SORCS1: variants seen among roughly 807,000 people sequenced by gnomAD.
SORCS1 encodes the protein VPS10 domain-containing receptor SorCS1.
In SORCS1, 60 loss-of-function variants were observed where a neutral mutation model predicts 146.1. That is an observed-to-expected ratio of 0.41 (90% CI 0.33 to 0.51). SORCS1 has a LOEUF of 0.51. Among genes scored for constraint, SORCS1 ranks in the 20% least tolerant of loss-of-function variants. The pLI, the probability that SORCS1 is intolerant of heterozygous loss-of-function variation, is 0.21. For synonymous variants in SORCS1, 637 were observed against 584.0 expected, an observed-to-expected ratio of 1.09 and a Z score of -1.31; for missense variants, 1,352 against 1,487.6, an observed-to-expected ratio of 0.91 and a Z score of 1.50.
chr10:106,967,415 A>C (rs907302273), intron 1 of SORCS1, among the ~76,000 whole-genome samples: 1 of 152,192 alleles, frequency 6.6e-6, no homozygotes, highest in African/African-American at 2.4e-5. Context: ...AAAAAACCAA[A>C]TAGCTGCACC....
chr10:107,141,364 C>A (rs531371012), intron 1 of SORCS1, among the ~76,000 whole-genome samples: 1 of 152,152 alleles, frequency 6.6e-6, no homozygotes, highest in African/African-American at 2.4e-5. Flanking sequence ...CATCTAATAA[C>A]ATAAACTTCA....
intron 3 of SORCS1, among the ~76,000 whole-genome samples, chr10:106,797,363 T>A (rs1222727061): frequency 6.6e-6 from 1 of 151,986 alleles, no homozygotes; most frequent in Non-Finnish European, 1.5e-5. Context: ...TTGCCTAAAT[T>A]TCTCTAAGAC....
chr10:107,059,022 A>G (rs1416681861), intron 1 of SORCS1, among the ~76,000 whole-genome samples: 1 of 152,240 alleles, frequency 6.6e-6, no homozygotes, highest in Non-Finnish European at 1.5e-5. Context: ...ACTCTTCCCT[A>G]TAATGCATCT....
chr10:106,701,796 A>G (rs1319890192), intron 8 of SORCS1, among the ~76,000 whole-genome samples: 1 of 152,246 alleles, frequency 6.6e-6, no homozygotes, highest in Non-Finnish European at 1.5e-5. Flanking sequence ...TGTGTCTCAT[A>G]ATTTCAATCT....
At chr10:106,874,433 G>T (rs953898474) in intron 2 of SORCS1, among the ~76,000 whole-genome samples, 11 of 152,278 alleles carry the variant, frequency 7.2e-5, no homozygotes, top group African/African-American at 2.6e-4. Context: ...GACAATATAT[G>T]ACAGACACTG....
At chr10:106,667,901 G>T in intron 16 of SORCS1, 99 bp from the exon 17 acceptor site, 7 of 626,314 alleles carry the variant, frequency 1.1e-5, no homozygotes, top group Admixed American at 3.2e-5. Context: ...TAATCAATTA[G>T]TCATAACAAA....
At chr10:106,805,894 T>TA (rs1222374515) in intron 3 of SORCS1, among the ~76,000 whole-genome samples, 2 of 146,970 alleles carry the variant, frequency 1.4e-5, no homozygotes, top group Non-Finnish European at 3.0e-5. Context: ...CCGTCTCTAC[T>TA]AAAAAAATAC....
At chr10:106,921,003 T>G (rs1952684664) in intron 2 of SORCS1, among the ~76,000 whole-genome samples, 1 of 152,146 alleles carries the variant, frequency 6.6e-6, no homozygotes, top group Non-Finnish European at 1.5e-5. Flanking sequence ...CTCCCATTTT[T>G]CCAGCTCCAA....
intron 7 of SORCS1, among the ~76,000 whole-genome samples, chr10:106,708,998 A>T (rs768720319): frequency 4.6e-5 from 7 of 152,152 alleles, no homozygotes; most frequent in Non-Finnish European, 1.0e-4. Flanking sequence ...GATCCTCTGG[A>T]CACAGCCCAA....
intron 1 of SORCS1, among the ~76,000 whole-genome samples, chr10:107,141,114 G>A (rs972050679): frequency 1.1e-4 from 17 of 152,178 alleles, no homozygotes; most frequent in African/African-American, 2.2e-4. Flanking sequence ...TTTCTTCTTC[G>A]TAAGCGACCC....
At chr10:106,625,729 C>G (rs1054278825) in intron 19 of SORCS1, among the ~76,000 whole-genome samples, 1 of 152,164 alleles carries the variant, frequency 6.6e-6, no homozygotes, top group East Asian at 1.9e-4. Flanking sequence ...ATAAGGGAAG[C>G]AGTTTAGGAA....
chr10:107,011,503 C>G (rs1225955305), intron 1 of SORCS1, among the ~76,000 whole-genome samples: 1 of 152,206 alleles, frequency 6.6e-6, no homozygotes, highest in Non-Finnish European at 1.5e-5. Context: ...CTGCAAGCTA[C>G]CCAATGATCA....
At chr10:106,655,426 A>G (rs1850211426) in intron 17 of SORCS1, among the ~76,000 whole-genome samples, 1 of 151,946 alleles carries the variant, frequency 6.6e-6, no homozygotes, top group African/African-American at 2.4e-5. Context: ...TCAGGTTATG[A>G]TTTTTAATCA....
intron 2 of SORCS1, among the ~76,000 whole-genome samples, chr10:106,836,865 G>C (rs1182434109): frequency 6.6e-6 from 1 of 152,178 alleles, no homozygotes; most frequent in African/African-American, 2.4e-5. Context: ...GGCTCAACCA[G>C]TTAATGACTT....
intron 9 of SORCS1, among the ~76,000 whole-genome samples, chr10:106,694,551 G>A (rs1202212624): frequency 6.6e-6 from 1 of 152,190 alleles, no homozygotes; most frequent in Non-Finnish European, 1.5e-5. Flanking sequence ...CTGGCCAATA[G>A]TACATTCAAT....
At chr10:106,985,945 A>G (rs1354952535) in intron 1 of SORCS1, among the ~76,000 whole-genome samples, 2 of 152,048 alleles carry the variant, frequency 1.3e-5, no homozygotes, top group African/African-American at 4.8e-5. Context: ...TGTAAGATAC[A>G]GGACCCAATC....
At chr10:106,830,428 T>C (rs920755612) in intron 2 of SORCS1, among the ~76,000 whole-genome samples, 1 of 152,228 alleles carries the variant, frequency 6.6e-6, no homozygotes, top group African/African-American at 2.4e-5. Flanking sequence ...GGGATTATTA[T>C]CTGTCTTTGA....
chr10:106,704,505 T>C (rs1223127858), intron 8 of SORCS1, among the ~76,000 whole-genome samples: 4 of 151,956 alleles, frequency 2.6e-5, no homozygotes, highest in African/African-American at 9.7e-5. Flanking sequence ...GCCTGACCAA[T>C]ATGGTGAAAG....
At chr10:107,091,950 A>G (rs1250801451) in intron 1 of SORCS1, among the ~76,000 whole-genome samples, 1 of 152,210 alleles carries the variant, frequency 6.6e-6, no homozygotes, top group South Asian at 2.1e-4. Flanking sequence ...ATGCCATCAG[A>G]GTACACGACA....
Sources: allele counts gnomAD v4.1 joint callset (sites outside exome capture counted in the v4.1 genomes callset), GRCh38; gene constraint gnomAD v4.1.1; transcripts MANE v1.5; gene names NCBI Gene and HGNC (gene_info 2026-07-23, HGNC 2026-07-21).